PUF60: variants seen among roughly 807,000 people sequenced by gnomAD.
The protein encoded by PUF60 is poly(U)-binding-splicing factor PUF60.
PUF60 carries 10 observed loss-of-function variants against 61.8 expected under a neutral mutation model. The ratio of observed to expected loss-of-function variants is 0.16; its 90% CI spans 0.10 to 0.27. The LOEUF (loss-of-function observed/expected upper bound fraction) is 0.27. Ranked by LOEUF, PUF60 falls within the 10% of genes least tolerant of loss-of-function variation. The pLI, the probability that PUF60 is intolerant of heterozygous loss-of-function variation, is 1.00. For missense variants in PUF60, 371 were observed against 754.0 expected, an observed-to-expected ratio of 0.49 and a Z score of 5.95; for synonymous variants, 353 against 300.9, an observed-to-expected ratio of 1.17 and a Z score of -1.79.
At chr8:143,824,060 C>T (rs894243424) in intron 2 of PUF60, among the ~76,000 whole-genome samples, 4 of 152,270 alleles carry the variant, frequency 2.6e-5, no homozygotes, top group Non-Finnish European at 4.4e-5. Flanking sequence ...CAGGCCCCGC[C>T]TGGTGCTTGG....
At chr8:143,824,034 C>T (rs1817330389) in intron 2 of PUF60, among the ~76,000 whole-genome samples, 1 of 152,280 alleles carries the variant, frequency 6.6e-6, no homozygotes, top group African/African-American at 2.4e-5. Flanking sequence ...GCGTCCCCGC[C>T]CAGCCAGACT....
At position 143,817,025 on chromosome 8, in the gene PUF60, T is replaced by C; in HGVS notation, c.1265A>G (p.Glu422Gly). The C allele has an allele frequency of 1.2e-6, 2 of 1,610,182 alleles. No individual in the cohort carries two copies. Among genetic ancestry groups the C allele is most frequent in the Non-Finnish European group, 1.7e-6 (2 of 1,178,532 alleles). ...CCGCTCTGACTCGGGAAACAGCTCC[T>C]CTTCTTCCTTCTCCTTCTTGGGCTC... ...LLEPKKEKEE[E>G]ELFPESERPE... The change falls in exon 11 of 12, where the codon GAG becomes GGG. Residue 422 changes from glutamate to glycine, a missense_variant. Around this residue, in one of 13 missense-constraint regions of PUF60, gnomAD observed 68 missense variants for 69.4 expected, o/e 0.98. Coordinates refer to ENST00000526683, the MANE Select transcript of PUF60 (RefSeq NM_078480.3). The surrounding 1 kb of genome is among the most constrained non-coding windows in gnomAD (Gnocchi z 7.4).
rs200808991 is a variant in PUF60, at chr8:143,816,775, G to A, written c.1425C>T (p.Ile475=). 1.0e-4 allele frequency: 162 copies of A among 1,613,416 alleles called. No homozygotes were observed. Among genetic ancestry groups the A allele is most frequent in the Middle Eastern group, 1.6e-4 (1 of 6,084 alleles). Residue 475 remains isoleucine (I), a synonymous_variant, in exon 12 of 12, where the codon ATC becomes ATT. Coordinates refer to ENST00000526683, the MANE Select transcript of PUF60 (RefSeq NM_078480.3). ...TCACCTCCCCTTCCAGGTCATCATCGATGTCCTTGGGGTCCACCATGTTGC... is the reference window on the plus strand; with the variant it reads ...TCACCTCCCCTTCCAGGTCATCATCAATGTCCTTGGGGTCCACCATGTTGC... ...VLRNMVDPKD[I]DDDLEGEVTE...
Position 143,821,688 on chromosome 8 carries a change from TGA to T in PUF60, c.208-4_208-3del. 2 of 1,549,066 alleles carry T rather than the reference TGA, an allele frequency of 1.3e-6. No individual in the cohort carries two copies. The highest frequency in any genetic ancestry group is 1.7e-6 in the Non-Finnish European group (2 of 1,147,572). The stretch of plus-strand genomic sequence containing the variant: ...CTGCTCCATGGCGTACTTCTTGGCC[TGA>T]GAGAGGCGGCAGTGAGGAGCACTGG... On this transcript the variant is annotated splice_polypyrimidine_tract_variant and splice_region_variant and intron_variant, in intron 3 of 11. Transcript: ENST00000526683.
At position 143,817,825 on chromosome 8, in the gene PUF60, A is replaced by G. The variant is rs781611815; in HGVS notation, c.817+37T>C. 6.2e-7 allele frequency: 1 copy of G among 1,607,668 alleles called. No individual in the cohort carries two copies. Among genetic ancestry groups the G allele is most frequent in the Admixed American group, 1.7e-5 (1 of 59,306 alleles). On this transcript the variant is annotated intron_variant, in intron 8 of 11. Transcript: ENST00000526683. The surrounding 1 kb of genome is among the most constrained non-coding windows in gnomAD (Gnocchi z 7.4). ...AGTGAGCAGGGCCAGCCCCAGCCTCAGGTGGCCCCCATCCCGCCTCAGCCA... is the reference window on the plus strand; with the variant it reads ...AGTGAGCAGGGCCAGCCCCAGCCTCGGGTGGCCCCCATCCCGCCTCAGCCA...
rs1243793938 is a variant in PUF60 at position 143,817,233 on chromosome 8, G to A, written c.1145-88C>T. On this transcript the variant is annotated intron_variant, in intron 10 of 11. Transcript: ENST00000526683. The surrounding 1 kb of genome is among the most constrained non-coding windows in gnomAD (Gnocchi z 7.4). ...AGAGCTGGCCTGCCCTGGGCTCAGA[G>A]GGTTGTGCCCAGACCACCAGGGCCA... 3.3e-6 allele frequency: 5 copies of A among 1,522,732 alleles called. No homozygotes were observed. Among genetic ancestry groups the A allele is most frequent in the Non-Finnish European group, 4.4e-6 (5 of 1,134,080 alleles). The allele number at this position is 1,522,732 out of a possible 1,614,324, so 94.3% of individuals were successfully genotyped here. A position where few individuals can be genotyped will look rare whatever the true frequency, so the allele number is the denominator to read the frequency against.
rs755893428 is a variant in PUF60, at chr8:143,818,161, T to C, written c.603+32A>G. On this transcript the variant is annotated intron_variant, in intron 7 of 11. Transcript: ENST00000526683. The surrounding 1 kb of genome is among the most constrained non-coding windows in gnomAD (Gnocchi z 7.9). ...CCGTGGAGGGGCAGCCCTGCACGCCTGCGGGATCGAGGCCTTGGCTCCCTG... is the reference window on the plus strand; with the variant it reads ...CCGTGGAGGGGCAGCCCTGCACGCCCGCGGGATCGAGGCCTTGGCTCCCTG... 6.2e-7 allele frequency: 1 copy of C among 1,602,620 alleles called. No homozygotes were observed. Among genetic ancestry groups the C allele is most frequent in the African/African-American group, 1.3e-5 (1 of 74,726 alleles).
intron 2 of PUF60, among the ~76,000 whole-genome samples, chr8:143,823,946 C>T (rs958411897): frequency 1.3e-5 from 2 of 152,270 alleles, no homozygotes; most frequent in Non-Finnish European, 2.9e-5. Context: ...GCTCCTCAAG[C>T]ACTGCGAGTT....
intron 2 of PUF60, 79 bp from the exon 3 acceptor site, chr8:143,821,992 A>G (rs1817074900): frequency 5.5e-6 from 6 of 1,083,536 alleles, no homozygotes; most frequent in Non-Finnish European, 7.9e-6. Flanking sequence ...CACCCCTAGC[A>G]CAGACTGTCC....
At chr8:143,829,182 A>G in intron 1 of PUF60, 98 bp downstream of exon 1, 1 of 1,227,102 alleles carries the variant, frequency 8.1e-7, no homozygotes, top group South Asian at 4.1e-5. Flanking sequence ...ACCTGGGAAG[A>G]CCGCCGCGTT....
intron 1 of PUF60, 83 bp downstream of exon 1, chr8:143,829,197 G>A (rs1344071958): frequency 8.1e-7 from 1 of 1,231,008 alleles, no homozygotes; most frequent in Non-Finnish European, 1.0e-6. Flanking sequence ...CGCGTTCTTG[G>A]GAGGCCCTCC....
At chr8:143,819,878 C>T (rs558352495) in intron 5 of PUF60, among the ~76,000 whole-genome samples, 2 of 152,254 alleles carry the variant, frequency 1.3e-5, no homozygotes, top group African/African-American at 2.4e-5. Flanking sequence ...TGACCAGACC[C>T]CCAGCCCGGG....
At chr8:143,825,917 G>A (rs1464633189) in intron 1 of PUF60, among the ~76,000 whole-genome samples, 7 of 152,250 alleles carry the variant, frequency 4.6e-5, no homozygotes, top group African/African-American at 1.7e-4. Context: ...AGTGTTGACA[G>A]TGGGATGTGG....
Position 143,817,547 on chromosome 8 carries a change from G to A in PUF60, c.1008+45C>T, listed in dbSNP as rs572963982. On this transcript the variant is annotated intron_variant, in intron 9 of 11. Coordinates refer to ENST00000526683, the MANE Select transcript of PUF60 (RefSeq NM_078480.3). This position sits in a 1 kb window ranked among gnomAD's most constrained non-coding sequence, Gnocchi z 7.4. The stretch of plus-strand genomic sequence containing the variant: ...TTGAATCAGTCTCCAAGGAATCAGG[G>A]GCCAGCCCGCCCACCCTCAAGCCGA... 412 of 1,608,502 alleles carry A rather than the reference G, an allele frequency of 2.6e-4. 7 individuals are homozygous for A. In the South Asian group the frequency reaches 4.1e-3, roughly 16 times the overall value.
intron 1 of PUF60, 141 bp downstream of exon 1, chr8:143,829,139 C>T (rs1224873692): frequency 2.5e-6 from 3 of 1,199,368 alleles, no homozygotes; most frequent in African/African-American, 1.6e-5. Flanking sequence ...CCCCGCCTCA[C>T]GCGACCCGGG....
At position 143,816,565 on chromosome 8, in the gene PUF60, T is replaced by C; in HGVS notation, c.1635A>G (p.Glu545=). The change falls in exon 12 of 12, where the codon GAA becomes GAG. Residue 545 remains glutamate, a synonymous_variant. Coordinates refer to ENST00000526683, the MANE Select transcript of PUF60 (RefSeq NM_078480.3). ...RWFAGRKVVA[E]VYDQERFDNS... ...TATCAAAACGCTCCTGGTCGTACACTTCAGCCACCACCTTGCGGCCAGCAA... is the reference window on the plus strand; with the variant it reads ...TATCAAAACGCTCCTGGTCGTACACCTCAGCCACCACCTTGCGGCCAGCAA... 6 of 1,613,584 alleles carry C rather than the reference T, an allele frequency of 3.7e-6. No homozygotes were observed. Among genetic ancestry groups the C allele is most frequent in the Non-Finnish European group, 4.2e-6 (5 of 1,179,842 alleles).
intron 1 of PUF60, chr8:143,827,345 G>A (rs1360240139): frequency 6.6e-6 from 3 of 456,042 alleles, no homozygotes; most frequent in Admixed American, 2.4e-5. Flanking sequence ...AGAGAACGGA[G>A]CCATGCGTCA....
chr8:143,818,183 C>T lies in PUF60; in HGVS notation c.603+10G>A, dbSNP rs759752520. On this transcript the variant is annotated intron_variant, in intron 7 of 11. Transcript: ENST00000526683. The surrounding 1 kb of genome is among the most constrained non-coding windows in gnomAD (Gnocchi z 7.9). ...GCCTGCGGGATCGAGGCCTTGGCTC[C>T]CTGCCTCACCTTGATGTTCCTGCCC... 23 of 1,608,366 alleles carry T rather than the reference C, an allele frequency of 1.4e-5. No individual in the cohort carries two copies. Among genetic ancestry groups the T allele is most frequent in the Non-Finnish European group, 1.9e-5 (22 of 1,178,210 alleles).
chr8:143,821,772 A>G (rs1817047071), intron 3 of PUF60, 46 bp downstream of exon 3: 1 of 1,338,608 alleles, frequency 7.5e-7, no homozygotes, highest in East Asian at 2.7e-5. Context: ...CCCTGCCCCC[A>G]GTTGACTGTC....
Sources: gnomAD v4.1 joint callset for allele counts (sites outside exome capture counted in the v4.1 genomes callset) on GRCh38, gnomAD v4.1.1 for gene constraint, gnomAD v4.1.1 regional missense constraint, Gnocchi (gnomAD v3.1) non-coding constraint, MANE v1.5 for transcripts, NCBI Gene and HGNC (gene_info 2026-07-23, HGNC 2026-07-21) for gene names.